The following CLDN14 variants were observed in gnomAD, a reference collection of about 807,000 sequenced individuals.
CLDN14 encodes claudin 14, also known as claudin-14.
CLDN14 carries 2 observed loss-of-function variants against 2.1 expected under a neutral mutation model. The ratio of observed to expected loss-of-function variants is 0.96; its 90% CI spans 0.39 to 3.01. The LOEUF (loss-of-function observed/expected upper bound fraction) is 3.01, where lower values mean the gene tolerates loss of function less well. Among genes scored for constraint, CLDN14 ranks in the 30% most tolerant of loss-of-function variants. The pLI, the probability that CLDN14 is intolerant of heterozygous loss-of-function variation, is 0.09. For missense variants in CLDN14, 298 were observed against 328.0 expected, an observed-to-expected ratio of 0.91 and a Z score of 0.71; for synonymous variants, 136 against 154.4, an observed-to-expected ratio of 0.88 and a Z score of 0.88.
chr21:36,553,858 C>T (rs2087579401), intron 1 of CLDN14, among the ~76,000 whole-genome samples: 1 of 152,180 alleles, frequency 6.6e-6, no homozygotes, highest in African/African-American at 2.4e-5. Flanking sequence ...AAAAGTGACT[C>T]CATCTTGGAT....
chr21:36,461,327 G>T lies in CLDN14; in HGVS notation c.369C>A (p.Thr123=), dbSNP rs727502938. The T allele has an allele frequency of 2.8e-5, 45 of 1,613,430 alleles. No individual in the cohort carries two copies. Among genetic ancestry groups the T allele is most frequent in the Non-Finnish European group, 3.4e-5 (40 of 1,179,986 alleles). ...ACAGGAGGCCGGCCAGGATGAAGAG[G>T]GTGCCGCCGAGGATGGCAAAGGTGG... is the stretch of plus-strand genomic sequence containing the variant. The part of the protein sequence containing the change: ...AKTTFAILGG[T]LFILAGLLCM... Residue 123 remains threonine, a synonymous_variant, in exon 2 of 2, where the codon ACC becomes ACA. Transcript: ENST00000399135.
rs751170450 is a variant in CLDN14 at position 36,461,274 on chromosome 21, T to G, written c.422A>C (p.Asn141Thr). 12 of 1,613,852 alleles carry G rather than the reference T, an allele frequency of 7.4e-6. No homozygotes were observed. Among genetic ancestry groups the G allele is most frequent in the Admixed American group, 1.7e-5 (1 of 60,028 alleles). The change falls in exon 2 of 2, where the codon AAC (asparagine) becomes ACC (threonine). Residue 141 changes from asparagine (N) to threonine (T), a missense_variant. Transcript: ENST00000399135. ...GTTGTAGAAGTTCTGCACCACGTCG[T>G]TGGTGGTCCAGGAGACGGCCACCAT... Reference protein sequence around the residue: ...LCMVAVSWTTNDVVQNFYNPL... With the variant: ...LCMVAVSWTTTDVVQNFYNPL...
chr21:36,497,754 C>G (rs1404597259), intron 2 of CLDN14, among the ~76,000 whole-genome samples: 1 of 152,158 alleles, frequency 6.6e-6, no homozygotes, highest in Non-Finnish European at 1.5e-5. Flanking sequence ...TCCCAACCAC[C>G]TTGAGACACC....
chr21:36,498,950 C>A lies in CLDN14; in HGVS notation c.-82+11413G>T, dbSNP rs915029127. ...AGCAAGGGTACTTTTTGTAATTCAGCCACCCAGATGGGAGTGTCCTCTTGC... is the reference window on the plus strand; with the variant it reads ...AGCAAGGGTACTTTTTGTAATTCAGACACCCAGATGGGAGTGTCCTCTTGC... On this transcript the variant is annotated intron_variant, in intron 2 of 2. Coordinates refer to the CLDN14 transcript ENST00000342108. The surrounding 1 kb of genome is among the most constrained non-coding windows in gnomAD (Gnocchi z 4.9). Among the ~76,000 whole-genome samples, 1 of 152,166 alleles carries A rather than the reference C, an allele frequency of 6.6e-6. No homozygotes were observed. Among genetic ancestry groups the A allele is most frequent in the African/African-American group, 2.4e-5 (1 of 41,456 alleles).
chr21:36,553,296 C>T (rs1048512634), intron 1 of CLDN14, among the ~76,000 whole-genome samples: 8 of 152,022 alleles, frequency 5.3e-5, no homozygotes, highest in African/African-American at 1.7e-4. Flanking sequence ...GTGCAAAAGG[C>T]GAGAGGAAGG....
chr21:36,542,002 G>C (rs2087492868), intron 1 of CLDN14, among the ~76,000 whole-genome samples: 1 of 152,146 alleles, frequency 6.6e-6, no homozygotes, highest in Admixed American at 6.5e-5. Flanking sequence ...CTGTCGCCCA[G>C]GCTGGAGTGC....
intron 1 of CLDN14, among the ~76,000 whole-genome samples, chr21:36,543,492 C>T (rs986483475): frequency 1.3e-5 from 2 of 152,208 alleles, no homozygotes; most frequent in African/African-American, 4.8e-5. Flanking sequence ...TCCTGCTGTG[C>T]TTAGATTCTG....
chr21:36,549,296 T>C (rs971342276), intron 1 of CLDN14, among the ~76,000 whole-genome samples: 6 of 151,744 alleles, frequency 4.0e-5, no homozygotes, highest in Non-Finnish European at 8.8e-5. Context: ...TCTCTCTCTC[T>C]CCTCCCCACC....
At chr21:36,488,079 TAAAC>T (rs1417001489) in intron 2 of CLDN14, among the ~76,000 whole-genome samples, 1 of 152,132 alleles carries the variant, frequency 6.6e-6, no homozygotes, top group Non-Finnish European at 1.5e-5. Context: ...GACGAATGGA[TAAAC>T]AAAATATGCT....
intron 1 of CLDN14, among the ~76,000 whole-genome samples, chr21:36,550,777 T>G (rs758399453): frequency 6.6e-6 from 1 of 152,128 alleles, no homozygotes; most frequent in Non-Finnish European, 1.5e-5. Flanking sequence ...CCGGCAACAG[T>G]CACAGTGCAA....
intron 1 of CLDN14, among the ~76,000 whole-genome samples, chr21:36,554,765 G>A (rs532767957): frequency 8.6e-4 from 131 of 152,230 alleles, no homozygotes; most frequent in African/African-American, 3.0e-3. Context: ...GAGGGCAGAG[G>A]AGGATGCCAC....
intron 2 of CLDN14, among the ~76,000 whole-genome samples, chr21:36,488,931 C>A (rs1035356412): frequency 2.0e-5 from 3 of 151,434 alleles, no homozygotes; most frequent in African/African-American, 7.3e-5. Flanking sequence ...GAGTTCAAGA[C>A]TAGCCTGGCC....
At chr21:36,477,646 C>T (rs1019431262) in intron 1 of CLDN14, 2 of 60,708 alleles carry the variant, frequency 3.3e-5, no homozygotes, top group East Asian at 3.8e-4. Context: ...CCTGGCAGGT[C>T]CCCCCGACAC....
intron 1 of CLDN14, among the ~76,000 whole-genome samples, chr21:36,566,195 T>C (rs2087671953): frequency 6.6e-6 from 1 of 152,220 alleles, no homozygotes; most frequent in Non-Finnish European, 1.5e-5. Context: ...TTAACACACA[T>C]ATAGGAGATA....
intron 1 of CLDN14, among the ~76,000 whole-genome samples, chr21:36,566,876 G>A (rs1016940800): frequency 6.6e-6 from 1 of 152,190 alleles, no homozygotes; most frequent in South Asian, 2.1e-4. Flanking sequence ...GGGGGCTCAC[G>A]TTGATGGGTG....
intron 1 of CLDN14, among the ~76,000 whole-genome samples, chr21:36,464,552 A>C (rs1601591287): frequency 6.6e-6 from 1 of 152,200 alleles, no homozygotes; most frequent in East Asian, 1.9e-4. Flanking sequence ...CCTGCTGGCC[A>C]GAGAAGGACC....
At position 36,499,753 on chromosome 21, in the gene CLDN14, G is replaced by A. The variant is rs151114535; in HGVS notation, c.-82+10610C>T. Reference sequence around the variant, plus strand: ...CAGAGCCAAAGACAAATCGAGTGACGTATTCTAGCTCATGGAGCCAGCTGG... The same window carrying A: ...CAGAGCCAAAGACAAATCGAGTGACATATTCTAGCTCATGGAGCCAGCTGG... On this transcript the variant is annotated intron_variant, in intron 2 of 2. Coordinates refer to the CLDN14 transcript ENST00000342108. The surrounding 1 kb of genome is among the most constrained non-coding windows in gnomAD (Gnocchi z 4.7). Among the ~76,000 whole-genome samples the A allele has an allele frequency of 2.4e-3, 361 of 152,284 alleles. 1 individual carries two copies. Among genetic ancestry groups the A allele is most frequent in the African/African-American group, 7.9e-3 (328 of 41,556 alleles).
rs545030323 is a variant in CLDN14, at chr21:36,493,649, C to T, written c.-82+16714G>A. ...GCGAGGAAGGGAAGCCTAGCGGCCG[C>T]ACACTTGTCATAGTCTCTCTCACAG... On this transcript the variant is annotated intron_variant, in intron 2 of 2. Coordinates refer to the CLDN14 transcript ENST00000342108. 5.3e-5 allele frequency among the ~76,000 whole-genome samples: 8 copies of T among 152,224 alleles called. 1 individual carries two copies. In the East Asian group the frequency reaches 1.5e-3, roughly 29 times the overall value.
intron 1 of CLDN14, among the ~76,000 whole-genome samples, chr21:36,566,230 A>C (rs2087672125): frequency 6.6e-6 from 1 of 152,244 alleles, no homozygotes; most frequent in African/African-American, 2.4e-5. Context: ...TAATATAACC[A>C]CTAATTTGAT....
Sources: allele counts gnomAD v4.1 joint callset (sites outside exome capture counted in the v4.1 genomes callset), GRCh38; gene constraint gnomAD v4.1.1; non-coding constraint Gnocchi (gnomAD v3.1); transcripts MANE v1.5; gene names NCBI Gene and HGNC (gene_info 2026-07-23, HGNC 2026-07-21).